The following SLC39A11 variants were observed in gnomAD, a reference collection of about 807,000 sequenced individuals.
SLC39A11 encodes the protein solute carrier family 39 member 11, also known as zinc transporter ZIP11.
A neutral mutation model predicts 36.1 loss-of-function variants in SLC39A11; 33 were observed. The observed-to-expected ratio is 0.91, with a 90% CI of 0.69 to 1.22. The LOEUF (loss-of-function observed/expected upper bound fraction) is 1.22, where lower values mean the gene tolerates loss of function less well. SLC39A11 is among the 50% of genes most tolerant of loss of function. The probability of loss-of-function intolerance (pLI) is 0.00; values close to 1 mark genes in which losing one functional copy is unlikely to be tolerated. For synonymous variants in SLC39A11, 166 were observed against 170.3 expected, an observed-to-expected ratio of 0.97 and a Z score of 0.20; for missense variants, 432 against 430.3, an observed-to-expected ratio of 1.00 and a Z score of -0.03.
chr17:72,696,510 G>C (rs1011134995), intron 7 of SLC39A11, among the ~76,000 whole-genome samples: 2 of 152,116 alleles, frequency 1.3e-5, no homozygotes, highest in Non-Finnish European at 2.9e-5. Context: ...TTCCTGTTCC[G>C]CTGGGCTTAA....
chr17:72,903,403 G>A (rs1487168460), intron 5 of SLC39A11, among the ~76,000 whole-genome samples: 2 of 152,138 alleles, frequency 1.3e-5, no homozygotes, highest in African/African-American at 2.4e-5. Context: ...TCTCTCTGAG[G>A]CACAACTCCA....
chr17:72,976,666 T>C (rs1037975456), intron 4 of SLC39A11, among the ~76,000 whole-genome samples: 1 of 152,078 alleles, frequency 6.6e-6, no homozygotes, highest in Non-Finnish European at 1.5e-5. Flanking sequence ...CAGGCCAACA[T>C]GGTGAAACCC....
At chr17:72,858,490 T>C (rs191896032) in intron 5 of SLC39A11, among the ~76,000 whole-genome samples, 2 of 152,368 alleles carry the variant, frequency 1.3e-5, no homozygotes, top group African/African-American at 4.8e-5. Context: ...AATTTTAAAA[T>C]AGTTTTTTCT....
At chr17:72,757,603 G>A (rs1442932993) in intron 6 of SLC39A11, among the ~76,000 whole-genome samples, 1 of 152,064 alleles carries the variant, frequency 6.6e-6, no homozygotes, top group African/African-American at 2.4e-5. Flanking sequence ...CCCACCATGG[G>A]GCCTTTGCCC....
At chr17:72,895,908 C>T (rs2082003890) in intron 5 of SLC39A11, among the ~76,000 whole-genome samples, 1 of 152,048 alleles carries the variant, frequency 6.6e-6, no homozygotes. Flanking sequence ...ATAGATCATA[C>T]ACAAATGGCC....
intron 4 of SLC39A11, among the ~76,000 whole-genome samples, chr17:72,996,713 T>G (rs1170810639): frequency 6.6e-6 from 1 of 152,178 alleles, no homozygotes; most frequent in Non-Finnish European, 1.5e-5. Context: ...TAATTACATC[T>G]GCAAAGACCC....
At chr17:72,967,370 C>CAGAGAGAGAGAGAGAGAGAGAGAG (rs72044418) in intron 4 of SLC39A11, among the ~76,000 whole-genome samples, 458 of 109,740 alleles carry the variant, frequency 4.2e-3, no homozygotes, top group Non-Finnish European at 6.8e-3. Context: ...TAAGCATGCT[C>CAGAGAGAGAGAGAGAGAGAGAGAG]AGAGAGAGAG....
intron 7 of SLC39A11, among the ~76,000 whole-genome samples, chr17:72,717,076 G>GTATATGTA (rs2073428029): frequency 1.5e-5 from 2 of 133,702 alleles, no homozygotes; most frequent in African/African-American, 5.7e-5. Flanking sequence ...ACACATATAA[G>GTATATGTA]TATATGTATA....
intron 5 of SLC39A11, among the ~76,000 whole-genome samples, chr17:72,920,159 G>A (rs1157696013): frequency 6.6e-6 from 1 of 151,992 alleles, no homozygotes; most frequent in African/African-American, 2.4e-5. Flanking sequence ...GACATAAGTG[G>A]AAATTCAACA....
At chr17:72,671,676 G>A (rs186091313) in intron 7 of SLC39A11, among the ~76,000 whole-genome samples, 10 of 152,032 alleles carry the variant, frequency 6.6e-5, no homozygotes, top group South Asian at 6.2e-4. Context: ...AGCAGAGATC[G>A]TGCCACTGCA....
intron 3 of SLC39A11, among the ~76,000 whole-genome samples, chr17:73,056,608 A>G (rs112583680): frequency 6.6e-6 from 1 of 152,332 alleles, no homozygotes; most frequent in Non-Finnish European, 1.5e-5. Context: ...AAGTCATGAC[A>G]AAGACGGGAC....
chr17:72,887,560 C>T (rs1022567908), intron 5 of SLC39A11, among the ~76,000 whole-genome samples: 4 of 152,190 alleles, frequency 2.6e-5, no homozygotes, highest in South Asian at 2.1e-4. Flanking sequence ...TCCCGTCTTC[C>T]GTCATAACGA....
At chr17:73,068,404 G>A (rs1493550) in intron 3 of SLC39A11, 172,407 of 429,366 alleles carry the variant, frequency 0.4, 37,348 homozygotes, top group Non-Finnish European at 0.45. Flanking sequence ...CAGAGAAGCA[G>A]GAAACATCAC....
intron 7 of SLC39A11, among the ~76,000 whole-genome samples, chr17:72,725,022 T>C (rs916110252): frequency 6.6e-6 from 1 of 152,222 alleles, no homozygotes; most frequent in Non-Finnish European, 1.5e-5. Context: ...GCAAATTACA[T>C]AGGATGGTGA....
intron 4 of SLC39A11, among the ~76,000 whole-genome samples, chr17:72,992,171 G>C (rs531976542): frequency 6.6e-6 from 1 of 152,184 alleles, no homozygotes; most frequent in South Asian, 2.1e-4. Flanking sequence ...GGCCAACATA[G>C]TGAAACCCCA....
chr17:73,004,445 C>G (rs1011888352), intron 4 of SLC39A11, among the ~76,000 whole-genome samples: 3 of 152,170 alleles, frequency 2.0e-5, no homozygotes, highest in African/African-American at 7.2e-5. Context: ...GGTGTCTCTT[C>G]TTAAAAGGAC....
At chr17:72,740,440 G>A (rs1598520838) in intron 6 of SLC39A11, among the ~76,000 whole-genome samples, 1 of 152,144 alleles carries the variant, frequency 6.6e-6, no homozygotes, top group Non-Finnish European at 1.5e-5. Flanking sequence ...TATCAAGACC[G>A]TACGTTTATG....
At chr17:72,778,248 C>G (rs2076200720) in intron 6 of SLC39A11, among the ~76,000 whole-genome samples, 1 of 152,180 alleles carries the variant, frequency 6.6e-6, no homozygotes, top group Non-Finnish European at 1.5e-5. Context: ...TTAGAACCAT[C>G]ATTTCACAGA....
rs539720553 is a variant in SLC39A11 at position 72,679,022 on chromosome 17, G to GA, written c.672-29755dup. On this transcript the variant is annotated intron_variant, in intron 7 of 9. Transcript: ENST00000255559. Reference sequence around the variant, plus strand: ...TGTTAAGTGAAATAGGCCAGGCACAGAAAGACAATGGTTGCACATTCTCAC... The same window carrying GA: ...TGTTAAGTGAAATAGGCCAGGCACAGAAAAGACAATGGTTGCACATTCTCAC... Among the ~76,000 whole-genome samples, 1,022 of 152,324 alleles carry GA rather than the reference G, an allele frequency of 6.7e-3. 5 individuals are homozygous for GA. Among genetic ancestry groups the GA allele is most frequent in the Non-Finnish European group, 0.012 (849 of 68,034 alleles).
Sources: gnomAD v4.1 joint callset for allele counts (sites outside exome capture counted in the v4.1 genomes callset) on GRCh38, gnomAD v4.1.1 for gene constraint, MANE v1.5 for transcripts, NCBI Gene and HGNC (gene_info 2026-07-23, HGNC 2026-07-21) for gene names.